TBL1X: variants seen among roughly 807,000 people sequenced by gnomAD.
The protein encoded by TBL1X is transducin beta like 1 X-linked.
TBL1X carries 10 observed loss-of-function variants against 50.7 expected under a neutral mutation model. That is an observed-to-expected ratio of 0.20 (90% CI 0.12 to 0.33). The LOEUF (loss-of-function observed/expected upper bound fraction) is 0.33, where lower values mean the gene tolerates loss of function less well. TBL1X is among the 10% of genes least tolerant of loss of function. TBL1X has a pLI of 1.00. For synonymous variants in TBL1X, 190 were observed against 214.7 expected (o/e 0.88, Z 1.01); for missense variants, 340 against 504.4 (o/e 0.67, Z 3.12).
At chrX:9,581,515 G>A (rs1426597165) in intron 2 of TBL1X, among the ~76,000 whole-genome samples, 1 of 111,578 alleles carries the variant, frequency 9.0e-6, no homozygotes, top group African/African-American at 3.3e-5. Flanking sequence ...ACAATGTCTG[G>A]AGACATTTTG....
chrX:9,469,882 C>T (rs1181397225), intron 1 of TBL1X, among the ~76,000 whole-genome samples: 4 of 112,637 alleles, frequency 3.6e-5, no homozygotes, highest in Admixed American at 9.3e-5. Flanking sequence ...TGAATCCATC[C>T]GCTCTTCCAG....
At chrX:9,609,992 CT>C (rs2082605577) in intron 2 of TBL1X, among the ~76,000 whole-genome samples, 1 of 112,701 alleles carries the variant, frequency 8.9e-6, no homozygotes, top group Non-Finnish European at 1.9e-5. Flanking sequence ...GGAGTTTCAG[CT>C]GAAGGGGCCA....
chrX:9,557,734 A>G (rs2082307344), intron 2 of TBL1X, among the ~76,000 whole-genome samples: 1 of 111,890 alleles, frequency 8.9e-6, no homozygotes, highest in Admixed American at 9.5e-5. Context: ...CATTTTCTAC[A>G]AAGAAGCCAC....
intron 12 of TBL1X, among the ~76,000 whole-genome samples, chrX:9,701,231 C>T (rs1473546259): frequency 1.8e-5 from 2 of 111,278 alleles, no homozygotes; most frequent in Non-Finnish European, 3.8e-5. Flanking sequence ...CTCTGTGTTA[C>T]CTTTGCAGCT....
intron 2 of TBL1X, among the ~76,000 whole-genome samples, chrX:9,585,383 G>T (rs760210016): frequency 3.1e-4 from 27 of 88,504 alleles, no homozygotes; most frequent in African/African-American, 1.2e-3. Flanking sequence ...ATCACAGGCC[G>T]TCTCTAGGTC....
intron 5 of TBL1X, among the ~76,000 whole-genome samples, chrX:9,671,577 G>A (rs1192988593): frequency 8.9e-6 from 1 of 112,968 alleles, no homozygotes; most frequent in South Asian, 3.6e-4. Context: ...GAATGTGTAG[G>A]AGTGGGTAAG....
chrX:9,609,336 GGTGTGTGTGTGTGT>G (rs775969638), intron 2 of TBL1X, among the ~76,000 whole-genome samples: 3 of 94,774 alleles, frequency 3.2e-5, no homozygotes, highest in Admixed American at 2.3e-4. Flanking sequence ...TTTTCTTCCA[GGTGTGTGTGTGTGT>G]GTGTGTGTGT....
intron 2 of TBL1X, among the ~76,000 whole-genome samples, chrX:9,563,685 G>A (rs2082334728): frequency 8.9e-6 from 1 of 112,599 alleles, no homozygotes; most frequent in South Asian, 3.7e-4. Context: ...TGAGTGCTCA[G>A]TAGCCACATG....
At chrX:9,579,756 C>G in intron 2 of TBL1X, among the ~76,000 whole-genome samples, 1 of 110,799 alleles carries the variant, frequency 9.0e-6, no homozygotes, top group Non-Finnish European at 1.9e-5. Context: ...CAACTTGTGA[C>G]CCCCTTGACA....
intron 2 of TBL1X, among the ~76,000 whole-genome samples, chrX:9,633,251 CT>C (rs757137976): frequency 9.0e-5 from 10 of 111,482 alleles, no homozygotes; most frequent in Non-Finnish European, 1.3e-4. Context: ...AATATAGAAC[CT>C]TTTTTTATGT....
intron 1 of TBL1X, among the ~76,000 whole-genome samples, chrX:9,473,588 T>G (rs1241395222): frequency 1.8e-5 from 2 of 111,985 alleles, no homozygotes; most frequent in South Asian, 3.7e-4. Context: ...AAAGATGCTT[T>G]CTTATTGGAA....
chrX:9,714,560 TGATGGAGAGTC>T (rs1159769847), intron 16 of TBL1X, among the ~76,000 whole-genome samples: 1 of 112,100 alleles, frequency 8.9e-6, no homozygotes, highest in East Asian at 2.8e-4. Flanking sequence ...TTGGTCGTGC[TGATGGAGAGTC>T]CATGAGCCAC....
intron 2 of TBL1X, among the ~76,000 whole-genome samples, chrX:9,544,073 G>A (rs974774648): frequency 8.9e-6 from 1 of 111,974 alleles, no homozygotes; most frequent in African/African-American, 3.2e-5. Context: ...AGGAGTTGGG[G>A]CAAATTACTC....
chrX:9,658,873 C>T (rs1273058542), intron 5 of TBL1X, among the ~76,000 whole-genome samples: 3 of 112,120 alleles, frequency 2.7e-5, no homozygotes, highest in Non-Finnish European at 3.8e-5. Context: ...GGCACGATCA[C>T]GGCTCACTGC....
chrX:9,689,864 A>G (rs2083086432), intron 7 of TBL1X, among the ~76,000 whole-genome samples: 1 of 112,340 alleles, frequency 8.9e-6, no homozygotes, highest in African/African-American at 3.2e-5. Flanking sequence ...AGAAACACCA[A>G]CATTGAAGAG....
intron 1 of TBL1X, among the ~76,000 whole-genome samples, chrX:9,468,174 C>T (rs2146919997): frequency 8.9e-6 from 1 of 112,101 alleles, no homozygotes; most frequent in Non-Finnish European, 1.9e-5. Flanking sequence ...TAGGTTTGTT[C>T]TTGTCCGATG....
chrX:9,672,786 TC>T (rs1489214464), intron 5 of TBL1X, among the ~76,000 whole-genome samples: 1 of 112,579 alleles, frequency 8.9e-6, no homozygotes, highest in Non-Finnish European at 1.9e-5. Context: ...CATCACCATT[TC>T]CCTACCACAG....
intron 2 of TBL1X, among the ~76,000 whole-genome samples, chrX:9,561,211 A>C (rs1451657393): frequency 8.9e-6 from 1 of 111,814 alleles, no homozygotes; most frequent in African/African-American, 3.3e-5. Flanking sequence ...GCTGGGGCTT[A>C]GAAGTCATTA....
intron 2 of TBL1X, among the ~76,000 whole-genome samples, chrX:9,521,224 G>A (rs370081328): frequency 4.5e-5 from 5 of 111,906 alleles, no homozygotes; most frequent in African/African-American, 1.6e-4. Context: ...TGGGAAGGTC[G>A]TAAACGTGGA....
Sources: gnomAD v4.1 joint callset for allele counts (sites outside exome capture counted in the v4.1 genomes callset) on GRCh38, gnomAD v4.1.1 for gene constraint, MANE v1.5 for transcripts, NCBI Gene and HGNC (gene_info 2026-07-23, HGNC 2026-07-21) for gene names.